JAK1: variants seen among roughly 807,000 people sequenced by gnomAD.
The protein encoded by JAK1 is tyrosine-protein kinase JAK1.
JAK1 carries 16 observed loss-of-function variants against 136.6 expected under a neutral mutation model. The observed-to-expected ratio is 0.12, with a 90% CI of 0.08 to 0.18. The LOEUF (loss-of-function observed/expected upper bound fraction) is 0.18, where lower values mean the gene tolerates loss of function less well. JAK1 is among the 10% of genes least tolerant of loss of function. JAK1 has a pLI of 1.00. For missense variants in JAK1, 859 were observed against 1,450.1 expected, an observed-to-expected ratio of 0.59 and a Z score of 6.62; for synonymous variants, 492 against 519.5, an observed-to-expected ratio of 0.95 and a Z score of 0.72.
At chr1:65,030,419 A>T (rs994073542) in intron 2 of JAK1, among the ~76,000 whole-genome samples, 1 of 152,238 alleles carries the variant, frequency 6.6e-6, no homozygotes, top group African/African-American at 2.4e-5. Flanking sequence ...CTTGCAGTAA[A>T]AAGCCAATTA....
At chr1:65,003,435 A>T (rs1646779118) in intron 2 of JAK1, 1 of 152,106 alleles carries the variant, frequency 6.6e-6, no homozygotes, top group African/African-American at 2.4e-5. Flanking sequence ...GTTTTAAAGG[A>T]GGAAGGGGAA....
intron 1 of JAK1, among the ~76,000 whole-genome samples, chr1:64,908,253 G>A (rs1645224239): frequency 1.3e-5 from 2 of 152,062 alleles, no homozygotes; most frequent in African/African-American, 4.8e-5. Flanking sequence ...CCATATATAA[G>A]GCTTATAAGG....
intron 1 of JAK1, among the ~76,000 whole-genome samples, chr1:64,904,431 G>A (rs1230283906): frequency 6.6e-6 from 1 of 152,162 alleles, no homozygotes; most frequent in Non-Finnish European, 1.5e-5. Flanking sequence ...AAAAATTGGA[G>A]AAACACTGGT....
rs765157103 is a variant in JAK1, at chr1:64,834,297, A to T, written c.*265T>A. ...TGAAATGGTGGTATATTCTTTCCAC[A>T]AGGAGGAGTGCTTAAGTGCTTTCAA... On this transcript the variant is annotated 3_prime_UTR_variant, in exon 25 of 25. Transcript: ENST00000342505. The T allele has an allele frequency of 1.3e-4, 40 of 297,328 alleles. No individual in the cohort carries two copies. Among genetic ancestry groups the T allele is most frequent in the Non-Finnish European group, 2.3e-4 (37 of 157,870 alleles). The allele number at this position is 297,328 out of a possible 1,614,324, so 18.4% of individuals were successfully genotyped here.
chr1:64,975,614 C>T (rs1397320198), intron 2 of JAK1, among the ~76,000 whole-genome samples: 1 of 152,216 alleles, frequency 6.6e-6, no homozygotes, highest in Non-Finnish European at 1.5e-5. Context: ...TTCCCTCACC[C>T]TTAGCTATCA....
chr1:64,910,671 T>C (rs1248251135), intron 1 of JAK1, among the ~76,000 whole-genome samples: 1 of 152,104 alleles, frequency 6.6e-6, no homozygotes, highest in East Asian at 1.9e-4. Context: ...TTGTCTCTAC[T>C]GAAAATACAA....
In JAK1 at chr1:64,847,520, GA is replaced by G; in HGVS notation, c.1899+11del. 6.2e-7 allele frequency: 1 copy of G among 1,613,862 alleles called. No homozygotes were observed. The highest frequency in any genetic ancestry group is 8.5e-7 in the Non-Finnish European group (1 of 1,179,936). On this transcript the variant is annotated intron_variant, in intron 13 of 24. Coordinates refer to ENST00000342505, the MANE Select transcript of JAK1 (RefSeq NM_002227.4). ...GAGAGGGGAGGGGAGGAGTTCAGAG[GA>G]AGACACTTGCCAGGGAAATATCCCT...
chr1:64,977,644 G>A (rs796669421), intron 2 of JAK1, among the ~76,000 whole-genome samples: 27 of 137,632 alleles, frequency 2.0e-4, no homozygotes, highest in African/African-American at 7.1e-4. Flanking sequence ...TGTTAGCAAG[G>A]ATGGTCTCAA....
chr1:64,862,268 A>G (rs1402579338), intron 8 of JAK1, among the ~76,000 whole-genome samples: 2 of 152,206 alleles, frequency 1.3e-5, no homozygotes, highest in Non-Finnish European at 2.9e-5. Flanking sequence ...CATCATTTTT[A>G]TAGGTCAAAA....
At chr1:65,040,184 C>T (rs1250768339) in intron 2 of JAK1, among the ~76,000 whole-genome samples, 7 of 151,256 alleles carry the variant, frequency 4.6e-5, no homozygotes, top group Admixed American at 4.6e-4. Flanking sequence ...CACCACACTC[C>T]AGCCTGGGCA....
At chr1:65,040,748 T>A (rs1181142889) in intron 2 of JAK1, among the ~76,000 whole-genome samples, 3 of 151,980 alleles carry the variant, frequency 2.0e-5, no homozygotes, top group Non-Finnish European at 2.9e-5. Flanking sequence ...CAACAAACAT[T>A]TATAGAACAC....
chr1:64,997,823 G>A (rs1364403902), intron 2 of JAK1, among the ~76,000 whole-genome samples: 2 of 152,196 alleles, frequency 1.3e-5, no homozygotes, highest in Non-Finnish European at 2.9e-5. Flanking sequence ...GAGAAGGAAT[G>A]TTCTTCTCCA....
Position 64,841,465 on chromosome 1 carries a change from T to C in JAK1, c.2540A>G (p.Lys847Arg), listed in dbSNP as rs1465876102. 1 of 1,614,234 alleles carries C rather than the reference T, an allele frequency of 6.2e-7. No individual in the cohort carries two copies. ...GCAGGTCTTACTCTGCTCTTCAAGC[T>C]TATTAATGTCTCTCATGATGGCTCG... ...FFRAIMRDIN[K>R]LEEQNPDIVS... The change falls in exon 18 of 25, where the codon AAG becomes AGG. Residue 847 changes from lysine (K) to arginine (R), a missense_variant. By Grantham distance (26) the Lys-to-Arg change is conservative. Around this residue, in one of 4 missense-constraint regions of JAK1, gnomAD observed 409 missense variants for 753.8 expected, o/e 0.54. Coordinates refer to ENST00000342505, the MANE Select transcript of JAK1 (RefSeq NM_002227.4).
At chr1:64,959,549 A>G (rs890506235) in intron 1 of JAK1, among the ~76,000 whole-genome samples, 2 of 152,202 alleles carry the variant, frequency 1.3e-5, no homozygotes, top group Non-Finnish European at 2.9e-5. Context: ...ATAGCCCACA[A>G]CTTGCTAAGT....
chr1:65,064,890 A>G (rs780393029), intron 1 of JAK1, among the ~76,000 whole-genome samples: 21 of 152,328 alleles, frequency 1.4e-4, no homozygotes, highest in Non-Finnish European at 2.8e-4. Context: ...AAACTTATGA[A>G]TAATTCAATA....
chr1:64,902,351 G>A (rs1645119486), intron 1 of JAK1, among the ~76,000 whole-genome samples: 2 of 152,074 alleles, frequency 1.3e-5, no homozygotes, highest in Non-Finnish European at 2.9e-5. Flanking sequence ...TGTCATTTGT[G>A]CCATAGATGT....
chr1:65,062,111 G>C (rs752303438), intron 1 of JAK1, among the ~76,000 whole-genome samples: 1 of 152,054 alleles, frequency 6.6e-6, no homozygotes, highest in Admixed American at 6.5e-5. Flanking sequence ...TTGACCAAGA[G>C]TTTAGTCCAA....
At chr1:64,963,257 A>C (rs1646315116) in intron 1 of JAK1, among the ~76,000 whole-genome samples, 1 of 152,202 alleles carries the variant, frequency 6.6e-6, no homozygotes, top group African/African-American at 2.4e-5. Flanking sequence ...CTTATAGAAA[A>C]GAAATTGGCA....
At chr1:65,066,177 C>T (rs1199865711) in intron 1 of JAK1, among the ~76,000 whole-genome samples, 2 of 152,150 alleles carry the variant, frequency 1.3e-5, no homozygotes, top group Non-Finnish European at 2.9e-5. Flanking sequence ...AAGGTGGCAG[C>T]TGGCGTGCGG....
Sources: gnomAD v4.1 joint callset for allele counts (sites outside exome capture counted in the v4.1 genomes callset) on GRCh38, gnomAD v4.1.1 for gene constraint, gnomAD v4.1.1 regional missense constraint, MANE v1.5 for transcripts, NCBI Gene and HGNC (gene_info 2026-07-23, HGNC 2026-07-21) for gene names.